The following LMO3 variants were observed in gnomAD, a reference collection of about 807,000 sequenced individuals.
LMO3 encodes LIM domain only 3.
LMO3 carries 2 observed loss-of-function variants against 15.8 expected under a neutral mutation model. That is an observed-to-expected ratio of 0.13 (90% CI 0.05 to 0.40). The LOEUF is 0.40. LMO3 is among the 10% of genes least tolerant of loss of function. The pLI is 0.99. For synonymous variants in LMO3, 62 were observed against 63.8 expected (o/e 0.97, Z 0.13); for missense variants, 86 against 182.2 (o/e 0.47, Z 3.04).
Position 16,598,840 on chromosome 12 carries a change from C to T in LMO3, c.206+1815G>A. 1 of 191,102 alleles carries T rather than the reference C, an allele frequency of 5.2e-6. No homozygotes were observed. Among genetic ancestry groups the T allele is most frequent in the Admixed American group, 5.8e-5 (1 of 17,170 alleles). The allele number at this position is 191,102 out of a possible 1,614,324, so 11.8% of individuals were successfully genotyped here. On this transcript the variant is annotated intron_variant, in intron 2 of 3. Coordinates refer to ENST00000537304, the MANE Select transcript of LMO3 (RefSeq NM_018640.5). This position sits in a 1 kb window ranked among gnomAD's most constrained non-coding sequence, Gnocchi z 4.3. ...TTTTTATTTTTGTTTTCAAAAACCC[C>T]AGATATTTCAGTTGACATTCTTTCA...
intron 2 of LMO3, among the ~76,000 whole-genome samples, chr12:16,566,031 TATATATATAA>T (rs1718748127): frequency 4.0e-5 from 3 of 75,350 alleles, no homozygotes; most frequent in African/African-American, 9.7e-5. Context: ...TATATATATA[TATATATATAA>T]AATGGAGTAC....
chr12:16,561,437 G>T (rs1942401481), intron 2 of LMO3, among the ~76,000 whole-genome samples: 1 of 152,020 alleles, frequency 6.6e-6, no homozygotes, highest in Non-Finnish European at 1.5e-5. Flanking sequence ...CACCACATCT[G>T]CCAGTTTTCT....
chr12:16,558,588 T>C (rs1472745115), intron 3 of LMO3, among the ~76,000 whole-genome samples: 1 of 152,142 alleles, frequency 6.6e-6, no homozygotes, highest in Non-Finnish European at 1.5e-5. Flanking sequence ...TTTATTTTCG[T>C]CTAAATGTTA....
intron 2 of LMO3, among the ~76,000 whole-genome samples, chr12:16,588,119 T>C (rs570893169): frequency 1.3e-4 from 20 of 152,180 alleles, no homozygotes; most frequent in African/African-American, 4.8e-4. Context: ...CTCTCCAAAT[T>C]TAAGGTGCAA....
upstream of LMO3, chr12:16,607,091 T>G (rs1283982081): frequency 1.3e-5 from 2 of 152,358 alleles, no homozygotes; most frequent in African/African-American, 2.4e-5. Flanking sequence ...CTTCCATTCA[T>G]GAACTCTCTG....
In LMO3 at chr12:16,604,917, A is replaced by G; in HGVS notation, c.-9+1149T>C. On this transcript the variant is annotated intron_variant, in intron 1 of 3. Transcript: ENST00000537304. The surrounding 1 kb of genome is among the most constrained non-coding windows in gnomAD (Gnocchi z 5.3). ...GTTGACTTAGGCGTGTCTGAGTTGC[A>G]GCAGCTTCGCATTGAGCACCAAACC... 1 of 1,598,440 alleles carries G rather than the reference A, an allele frequency of 6.3e-7. No homozygotes were observed. The highest frequency in any genetic ancestry group is 8.5e-7 in the Non-Finnish European group (1 of 1,179,796).
In LMO3 at chr12:16,604,600, A is replaced by G; in HGVS notation, c.-9+1466T>C. Reference sequence around the variant, plus strand: ...ATAAGAAACATACATACACTCTAACAAAGAATCCCTTGCGGAGTTTATGCT... The same window carrying G: ...ATAAGAAACATACATACACTCTAACGAAGAATCCCTTGCGGAGTTTATGCT... On this transcript the variant is annotated intron_variant, in intron 1 of 3. Coordinates refer to ENST00000537304, the MANE Select transcript of LMO3 (RefSeq NM_018640.5). The surrounding 1 kb of genome is among the most constrained non-coding windows in gnomAD (Gnocchi z 5.3). 3.8e-6 allele frequency: 2 copies of G among 528,158 alleles called. No individual in the cohort carries two copies. Among genetic ancestry groups the G allele is most frequent in the Non-Finnish European group, 6.7e-6 (2 of 298,832 alleles). The allele number at this position is 528,158 out of a possible 1,614,324, so 32.7% of individuals were successfully genotyped here. A position where few individuals can be genotyped will look rare whatever the true frequency, so the allele number is the denominator to read the frequency against.
intron 3 of LMO3, among the ~76,000 whole-genome samples, chr12:16,553,176 C>T (rs551502611): frequency 3.3e-5 from 5 of 152,080 alleles, no homozygotes; most frequent in Non-Finnish European, 7.4e-5. Flanking sequence ...TAAGCATTGT[C>T]ATGGCTTTTT....
chr12:16,560,594 C>T lies in LMO3; in HGVS notation c.207-56G>A, dbSNP rs568698857. The T allele has an allele frequency of 1.4e-5, 21 of 1,497,862 alleles. No individual in the cohort carries two copies. The highest frequency in any genetic ancestry group is 1.7e-4 in the Middle Eastern group (1 of 5,744). The allele number at this position is 1,497,862 out of a possible 1,614,324, so 92.8% of individuals were successfully genotyped here. A position where few individuals can be genotyped will look rare whatever the true frequency, so the allele number is the denominator to read the frequency against. Reference sequence around the variant, plus strand: ...AAACTCTTACAGAGAAATCTGAGATCGTGAAGAGAGATGATGTTAATATAC... The same window carrying T: ...AAACTCTTACAGAGAAATCTGAGATTGTGAAGAGAGATGATGTTAATATAC... On this transcript the variant is annotated intron_variant, in intron 2 of 3. Transcript: ENST00000537304. This position sits in a 1 kb window ranked among gnomAD's most constrained non-coding sequence, Gnocchi z 5.0.
At chr12:16,595,718 A>G (rs929329677) in intron 2 of LMO3, among the ~76,000 whole-genome samples, 1 of 151,484 alleles carries the variant, frequency 6.6e-6, no homozygotes, top group Non-Finnish European at 1.5e-5. Context: ...AAAATATTTC[A>G]TAATACTAAA....
chr12:16,586,539 GATTCAGGCCAACTGA>G lies in LMO3; in HGVS notation c.206+14101_206+14115del, dbSNP rs1325039185. On this transcript the variant is annotated intron_variant, in intron 2 of 3. Coordinates refer to ENST00000537304, the MANE Select transcript of LMO3 (RefSeq NM_018640.5). This position sits in a 1 kb window ranked among gnomAD's most constrained non-coding sequence, Gnocchi z 4.3. ...AAAAATCTGTTGTATAATATTGTCAGATTCAGGCCAACTGAATTCTGGAGGACATATGCAAAGACA... is the reference window on the plus strand; with the variant it reads ...AAAAATCTGTTGTATAATATTGTCAGATTCTGGAGGACATATGCAAAGACA... Among the ~76,000 whole-genome samples, 1 of 152,158 alleles carries G rather than the reference GATTCAGGCCAACTGA, an allele frequency of 6.6e-6. No individual in the cohort carries two copies. Among genetic ancestry groups the G allele is most frequent in the African/African-American group, 2.4e-5 (1 of 41,436 alleles).
Position 16,599,350 on chromosome 12 carries a change from T to A in LMO3, c.206+1305A>T, listed in dbSNP as rs148676389. On this transcript the variant is annotated intron_variant, in intron 2 of 3. Transcript: ENST00000537304. The surrounding 1 kb of genome is among the most constrained non-coding windows in gnomAD (Gnocchi z 4.1). ...AGGAGGCTGTCAGATGAGGCCGTCC[T>A]AAGAGCGAGAAGGAGTAGAATCTGA... 1,265 of 152,294 alleles carry A rather than the reference T, an allele frequency of 8.3e-3. 9 individuals carry two copies. The highest frequency in any genetic ancestry group is 0.048 in the Middle Eastern group (14 of 294). The allele number at this position is 152,294 out of a possible 1,614,324, so 9.4% of individuals were successfully genotyped here.
Position 16,591,784 on chromosome 12 carries a change from C to T in LMO3, c.206+8871G>A, listed in dbSNP as rs1943502453. 6.6e-6 allele frequency among the ~76,000 whole-genome samples: 1 copy of T among 152,008 alleles called. No homozygotes were observed. Among genetic ancestry groups the T allele is most frequent in the Non-Finnish European group, 1.5e-5 (1 of 67,970 alleles). On this transcript the variant is annotated intron_variant, in intron 2 of 3. Transcript: ENST00000537304. The surrounding 1 kb of genome is among the most constrained non-coding windows in gnomAD (Gnocchi z 4.1). ...GTCTTGCTCTGCACCCAAAATATAA[C>T]CCGTGAAGCTCAAAGCTCAGCTTTC... is the stretch of plus-strand genomic sequence containing the variant.
chr12:16,578,159 A>G (rs1224011313), intron 2 of LMO3, among the ~76,000 whole-genome samples: 1 of 152,206 alleles, frequency 6.6e-6, no homozygotes, highest in Non-Finnish European at 1.5e-5. Flanking sequence ...TTAAACTCAT[A>G]GTTTCATGAA....
rs767262382 is a variant in LMO3 at position 16,593,253 on chromosome 12, T to C, written c.206+7402A>G. ...CTTTGGTGTGCTCTTCTGCAAATAC[T>C]CTTTCAATTCCTAAGAGTCTTTTAT... On this transcript the variant is annotated intron_variant, in intron 2 of 3. Coordinates refer to ENST00000537304, the MANE Select transcript of LMO3 (RefSeq NM_018640.5). The surrounding 1 kb of genome is among the most constrained non-coding windows in gnomAD (Gnocchi z 4.2). 1.3e-5 allele frequency among the ~76,000 whole-genome samples: 2 copies of C among 151,898 alleles called. No individual in the cohort carries two copies. The highest frequency in any genetic ancestry group is 4.8e-5 in the African/African-American group (2 of 41,430).
rs983599498 is a variant in LMO3 at position 16,589,096 on chromosome 12, C to T, written c.206+11559G>A. 7.2e-5 allele frequency among the ~76,000 whole-genome samples: 11 copies of T among 152,034 alleles called. No homozygotes were observed. Among genetic ancestry groups the T allele is most frequent in the Non-Finnish European group, 1.6e-4 (11 of 67,976 alleles). ...TCGACGTCAGGTCTGGATACCTCAC[C>T]GTGATGCAACCTGACATGCCTCTAA... On this transcript the variant is annotated intron_variant, in intron 2 of 3. Coordinates refer to ENST00000537304, the MANE Select transcript of LMO3 (RefSeq NM_018640.5). The surrounding 1 kb of genome is among the most constrained non-coding windows in gnomAD (Gnocchi z 4.2).
chr12:16,568,776 A>G lies in LMO3; in HGVS notation c.207-8238T>C, dbSNP rs138816718. Among the ~76,000 whole-genome samples, 824 of 152,274 alleles carry G rather than the reference A, an allele frequency of 5.4e-3. 8 individuals carry two copies. The highest frequency in any genetic ancestry group is 0.019 in the African/African-American group (800 of 41,552). The stretch of plus-strand genomic sequence containing the variant: ...AATATGTGGATTACATTCTATTTCT[A>G]TTGGACAGTGCTGGTCTATAGCTTC... On this transcript the variant is annotated intron_variant, in intron 2 of 3. Coordinates refer to ENST00000537304, the MANE Select transcript of LMO3 (RefSeq NM_018640.5).
rs1248618646 is a variant in LMO3, at chr12:16,550,049, A to G, written c.*1173T>C. 6.6e-6 allele frequency: 1 copy of G among 151,938 alleles called. No homozygotes were observed. The highest frequency in any genetic ancestry group is 2.4e-5 in the African/African-American group (1 of 41,400). The allele number at this position is 151,938 out of a possible 1,614,324, so 9.4% of individuals were successfully genotyped here. On this transcript the variant is annotated 3_prime_UTR_variant, in exon 4 of 4. Coordinates refer to ENST00000537304, the MANE Select transcript of LMO3 (RefSeq NM_018640.5). ...GGTAAATACAGAAAAATATATAATC[A>G]CTAGTTCTCAGCATTTTATCAATCC... is the stretch of plus-strand genomic sequence containing the variant.
intron 2 of LMO3, among the ~76,000 whole-genome samples, chr12:16,571,721 C>A (rs1278840073): frequency 6.6e-6 from 1 of 151,938 alleles, no homozygotes; most frequent in Non-Finnish European, 1.5e-5. Context: ...GAATTAAATA[C>A]CCTTTCAAGA....
Sources: gnomAD v4.1 joint callset for allele counts (sites outside exome capture counted in the v4.1 genomes callset) on GRCh38, gnomAD v4.1.1 for gene constraint, Gnocchi (gnomAD v3.1) non-coding constraint, MANE v1.5 for transcripts, NCBI Gene and HGNC (gene_info 2026-07-23, HGNC 2026-07-21) for gene names.